CD96: variants seen among roughly 807,000 people sequenced by gnomAD.
The protein encoded by CD96 is CD96 molecule, also known as T-cell surface protein tactile.
A neutral mutation model predicts 71.3 loss-of-function variants in CD96; 70 were observed. The ratio of observed to expected loss-of-function variants is 0.98; its 90% CI spans 0.81 to 1.20. The LOEUF (loss-of-function observed/expected upper bound fraction) is 1.20, where lower values mean the gene tolerates loss of function less well. Ranked by LOEUF, CD96 falls within the 50% of genes most tolerant of loss-of-function variation. The pLI, the probability that CD96 is intolerant of heterozygous loss-of-function variation, is 0.00. For synonymous variants in CD96, 248 were observed against 233.0 expected, an observed-to-expected ratio of 1.06 and a Z score of -0.59; for missense variants, 742 against 677.5, an observed-to-expected ratio of 1.10 and a Z score of -1.06.
chr3:111,575,325 A>G (rs985066202), intron 3 of CD96, among the ~76,000 whole-genome samples: 2 of 152,230 alleles, frequency 1.3e-5, no homozygotes, highest in African/African-American at 4.8e-5. Context: ...GTTAGTGATC[A>G]AGATAAATAT....
intron 13 of CD96, among the ~76,000 whole-genome samples, chr3:111,649,238 G>C (rs897284849): frequency 2.0e-5 from 3 of 152,208 alleles, no homozygotes. Flanking sequence ...AGTTGTCATG[G>C]AGAGTATCAG....
intron 7 of CD96, among the ~76,000 whole-genome samples, chr3:111,604,532 T>C (rs1475801597): frequency 6.6e-6 from 1 of 152,178 alleles, no homozygotes; most frequent in Non-Finnish European, 1.5e-5. Context: ...AAGCTATGTT[T>C]CCCCTCTGTC....
Position 111,570,714 on chromosome 3 carries a change from T to C in CD96, c.543+3067T>C, listed in dbSNP as rs533891344. 539 of 1,612,600 alleles carry C rather than the reference T, an allele frequency of 3.3e-4. 7 individuals carry two copies. The South Asian group carries it at 5.4e-3, about 16-fold the overall frequency. ...GGGGCTGCTGTAGGACAGAGCATCA[T>C]AGATGGGGTTGATCTTGTCCAGATA... On this transcript the variant is annotated intron_variant, in intron 3 of 13. Transcript: ENST00000352690.
At chr3:111,661,852 G>A (rs185194949) in intron 14 of CD96, among the ~76,000 whole-genome samples, 13 of 152,278 alleles carry the variant, frequency 8.5e-5, no homozygotes, top group South Asian at 8.3e-4. Context: ...ACCATTCTGG[G>A]GCCTGGAGAA....
In CD96 at chr3:111,579,198, A is replaced by G. The variant is rs957052579; in HGVS notation, c.715A>G (p.Lys239Glu). 1.9e-6 allele frequency: 3 copies of G among 1,610,996 alleles called. No individual in the cohort carries two copies. The highest frequency in any genetic ancestry group is 2.7e-5 in the African/African-American group (2 of 74,984). The change falls in exon 4 of 14, where the codon AAA (lysine) becomes GAA (glutamate). Residue 239 changes from lysine to glutamate, a missense_variant. By Grantham distance (56) the Lys-to-Glu change is moderately conservative. Transcript: ENST00000352690. ...TTGCCACATTAGAGTCGGTCCTAAC[A>G]AAATCTTGAGGAGCTCCACCACAGT... ...FSCHIRVGPNKILRSSTTVKV... is the reference protein window; with the variant it reads ...FSCHIRVGPNEILRSSTTVKV...
At chr3:111,550,052 G>C (rs1934616208) in intron 2 of CD96, among the ~76,000 whole-genome samples, 1 of 152,264 alleles carries the variant, frequency 6.6e-6, no homozygotes, top group East Asian at 1.9e-4. Context: ...ATGGAGAAAG[G>C]TGAGTCTTCA....
At chr3:111,648,108 G>T (rs1939918060) in intron 13 of CD96, among the ~76,000 whole-genome samples, 1 of 152,140 alleles carries the variant, frequency 6.6e-6, no homozygotes, top group South Asian at 2.1e-4. Context: ...TTACCAGAGT[G>T]GGCTTTTACT....
At chr3:111,621,241 A>G (rs572043536) in intron 8 of CD96, among the ~76,000 whole-genome samples, 3 of 152,320 alleles carry the variant, frequency 2.0e-5, no homozygotes, top group Non-Finnish European at 4.4e-5. Context: ...CTTTTTCATC[A>G]TCCTCATTAT....
At chr3:111,627,135 C>A (rs1039901807) in intron 10 of CD96, among the ~76,000 whole-genome samples, 1 of 152,168 alleles carries the variant, frequency 6.6e-6, no homozygotes, top group Non-Finnish European at 1.5e-5. Context: ...AAAACAATAG[C>A]CATAACCCTG....
chr3:111,587,416 A>C (rs1936766461), intron 5 of CD96, among the ~76,000 whole-genome samples: 1 of 151,766 alleles, frequency 6.6e-6, no homozygotes, highest in African/African-American at 2.4e-5. Context: ...AAGCTCTGCC[A>C]GTGTGGCTTT....
intron 1 of CD96, among the ~76,000 whole-genome samples, chr3:111,543,365 A>G (rs924262): frequency 0.7 from 106,838 of 152,000 alleles, 37,837 homozygotes; most frequent in African/African-American, 0.78. Context: ...TGTATCACTC[A>G]GTCAGACTGC....
chr3:111,636,857 G>C (rs1027350503), intron 10 of CD96, among the ~76,000 whole-genome samples: 9 of 152,072 alleles, frequency 5.9e-5, no homozygotes, highest in African/African-American at 1.7e-4. Flanking sequence ...AACACACCTG[G>C]ACCTTCATTC....
intron 7 of CD96, among the ~76,000 whole-genome samples, chr3:111,603,657 A>T (rs1487854128): frequency 6.6e-6 from 1 of 152,136 alleles, no homozygotes; most frequent in African/African-American, 2.4e-5. Flanking sequence ...CTTGACAGAG[A>T]TTTGTTTATT....
intron 7 of CD96, among the ~76,000 whole-genome samples, chr3:111,604,832 C>T (rs892727591): frequency 6.6e-6 from 1 of 152,130 alleles, no homozygotes; most frequent in African/African-American, 2.4e-5. Context: ...CACAATTACT[C>T]AACTCTGTCA....
At chr3:111,636,898 A>G (rs1436908858) in intron 10 of CD96, among the ~76,000 whole-genome samples, 1 of 151,916 alleles carries the variant, frequency 6.6e-6, no homozygotes, top group Non-Finnish European at 1.5e-5. Flanking sequence ...TCATCTATGG[A>G]ATGAGCATGA....
At chr3:111,553,656 T>C (rs1934842080) in intron 2 of CD96, among the ~76,000 whole-genome samples, 1 of 151,944 alleles carries the variant, frequency 6.6e-6, no homozygotes, top group Admixed American at 6.6e-5. Context: ...ATTTATTTGA[T>C]GTATAGTTTG....
chr3:111,543,895 C>T (rs1368551063), intron 1 of CD96, among the ~76,000 whole-genome samples: 1 of 152,186 alleles, frequency 6.6e-6, no homozygotes, highest in Non-Finnish European at 1.5e-5. Flanking sequence ...CTGTATCCTG[C>T]CTTGTTTTCC....
intron 10 of CD96, among the ~76,000 whole-genome samples, chr3:111,626,493 T>C (rs1938769516): frequency 6.6e-6 from 1 of 152,172 alleles, no homozygotes; most frequent in Non-Finnish European, 1.5e-5. Flanking sequence ...ATGTTACTGG[T>C]GGTACCATCA....
At chr3:111,564,047 C>A (rs945990830) in intron 2 of CD96, among the ~76,000 whole-genome samples, 2 of 152,140 alleles carry the variant, frequency 1.3e-5, no homozygotes, top group Non-Finnish European at 1.5e-5. Flanking sequence ...AAGCTAATAA[C>A]AATCAGATTT....
Sources: gnomAD v4.1 joint callset for allele counts (sites outside exome capture counted in the v4.1 genomes callset) on GRCh38, gnomAD v4.1.1 for gene constraint, MANE v1.5 for transcripts, NCBI Gene and HGNC (gene_info 2026-07-23, HGNC 2026-07-21) for gene names.